MYO18B: variants seen among roughly 807,000 people sequenced by gnomAD.
MYO18B encodes unconventional myosin-XVIIIb.
Under a neutral mutation model 273.0 loss-of-function variants are expected in MYO18B, and 204 were observed. The ratio of observed to expected loss-of-function variants is 0.75; its 90% CI spans 0.67 to 0.84. MYO18B has a LOEUF of 0.84. Among genes scored for constraint, MYO18B ranks in the 40% least tolerant of loss-of-function variants. The pLI is 0.00. For missense variants in MYO18B, 3,212 were observed against 3,287.6 expected (o/e 0.98, Z 0.56); for synonymous variants, 1,330 against 1,305.7 (o/e 1.02, Z -0.40).
intron 12 of MYO18B, among the ~76,000 whole-genome samples, chr22:25,798,973 C>G (rs2088054832): frequency 6.6e-6 from 1 of 152,000 alleles, no homozygotes; most frequent in African/African-American, 2.4e-5. Context: ...GCGATTTTCC[C>G]CATTTTGACC....
chr22:26,017,437 T>C (rs1293797734), intron 42 of MYO18B, among the ~76,000 whole-genome samples: 1 of 151,786 alleles, frequency 6.6e-6, no homozygotes. Flanking sequence ...GAAAACAAGT[T>C]GACAACATCA....
chr22:26,030,092 C>A (rs147869735), intron 43 of MYO18B, among the ~76,000 whole-genome samples: 9 of 152,152 alleles, frequency 5.9e-5, no homozygotes, highest in Non-Finnish European at 1.3e-4. Context: ...TCTTCCTGGC[C>A]AGGCACAGTG....
At chr22:25,825,803 C>T (rs3859876) in intron 13 of MYO18B, among the ~76,000 whole-genome samples, 93,689 of 152,068 alleles carry the variant, frequency 0.62, 30,677 homozygotes, top group Non-Finnish European at 0.72. Flanking sequence ...CTTTATTTCT[C>T]TCAATATTTC....
At chr22:26,020,084 G>A (rs895551258) in intron 42 of MYO18B, among the ~76,000 whole-genome samples, 3 of 152,136 alleles carry the variant, frequency 2.0e-5, no homozygotes, top group African/African-American at 7.2e-5. Context: ...TGCAGGCCCT[G>A]CCACTTAGCA....
intron 22 of MYO18B, among the ~76,000 whole-genome samples, chr22:25,872,215 A>G (rs974555274): frequency 6.6e-6 from 1 of 152,218 alleles, no homozygotes; most frequent in Non-Finnish European, 1.5e-5. Flanking sequence ...ATAGTGCAGG[A>G]TGGTCGGAGA....
intron 17 of MYO18B, among the ~76,000 whole-genome samples, chr22:25,836,172 A>G (rs2089894286): frequency 6.6e-6 from 1 of 152,178 alleles, no homozygotes; most frequent in East Asian, 1.9e-4. Context: ...CAAAGTGATC[A>G]TGAGATTTGG....
intron 33 of MYO18B, among the ~76,000 whole-genome samples, chr22:25,920,488 A>G (rs11913596): frequency 0.033 from 4,958 of 152,236 alleles, 285 homozygotes; most frequent in African/African-American, 0.11. Context: ...CCTGGTGCCC[A>G]GTCCAGGATG....
intron 21 of MYO18B, 99 bp from the exon 22 acceptor site, chr22:25,868,221 C>T: frequency 1.0e-6 from 1 of 1,000,252 alleles, no homozygotes; most frequent in Non-Finnish European, 1.5e-6. Context: ...TGGGGTCATC[C>T]TCCGTCCTGG....
At chr22:25,840,554 G>A (rs1046483494) in intron 17 of MYO18B, among the ~76,000 whole-genome samples, 5 of 152,260 alleles carry the variant, frequency 3.3e-5, no homozygotes, top group Non-Finnish European at 2.9e-5. Flanking sequence ...GGGCGAGGCT[G>A]GTCACCTCTG....
chr22:25,967,220 A>C (rs2092989117), intron 39 of MYO18B, among the ~76,000 whole-genome samples: 1 of 152,226 alleles, frequency 6.6e-6, no homozygotes, highest in Admixed American at 6.5e-5. Flanking sequence ...TAAAAAAGAA[A>C]GGGGAGAGAT....
chr22:25,853,765 G>A (rs1026162849), intron 21 of MYO18B, among the ~76,000 whole-genome samples: 8 of 152,156 alleles, frequency 5.3e-5, no homozygotes, highest in Non-Finnish European at 1.2e-4. Context: ...CTCCATACAC[G>A]CTAGAGGCCT....
At chr22:25,783,629 C>T (rs2042871861) in intron 10 of MYO18B, among the ~76,000 whole-genome samples, 1 of 152,202 alleles carries the variant, frequency 6.6e-6, no homozygotes, top group African/African-American at 2.4e-5. Flanking sequence ...TGGAGGCTTA[C>T]CCTGGGGTGG....
intron 42 of MYO18B, among the ~76,000 whole-genome samples, chr22:26,020,787 G>A (rs573741740): frequency 2.0e-5 from 3 of 152,072 alleles, no homozygotes; most frequent in Non-Finnish European, 2.9e-5. Flanking sequence ...GCAAGTTCAG[G>A]CTTCAAAAGA....
chr22:25,800,345 G>A (rs2088138358), intron 12 of MYO18B, among the ~76,000 whole-genome samples: 1 of 152,214 alleles, frequency 6.6e-6, no homozygotes, highest in South Asian at 2.1e-4. Context: ...TCAGCCGTGG[G>A]CCATGCTCAG....
intron 6 of MYO18B, 113 bp downstream of exon 6, chr22:25,771,097 T>G: frequency 2.5e-6 from 2 of 788,282 alleles, no homozygotes; most frequent in South Asian, 1.7e-5. Flanking sequence ...TGACTACCAA[T>G]ACCATTTTGG....
rs1462740342 is a variant in MYO18B at position 25,883,816 on chromosome 22, T to A, written c.4314+5768T>A. On this transcript the variant is annotated intron_variant, in intron 25 of 43. Transcript: ENST00000335473. The surrounding 1 kb of genome is among the most constrained non-coding windows in gnomAD (Gnocchi z 7.6). ...CATCACTATTGCAAAATGATTTAAG[T>A]GCTTCATTTGTGAAGGAGCAGAAGA... is the stretch of plus-strand genomic sequence containing the variant. The A allele has an allele frequency of 6.6e-6, 1 of 152,224 alleles. No homozygotes were observed. The highest frequency in any genetic ancestry group is 2.4e-5 in the African/African-American group (1 of 41,448). The allele number at this position is 152,224 out of a possible 1,614,324, so 9.4% of individuals were successfully genotyped here. A position where few individuals can be genotyped will look rare whatever the true frequency, so the allele number is the denominator to read the frequency against.
At chr22:25,892,959 G>A (rs2091701259) in intron 27 of MYO18B, among the ~76,000 whole-genome samples, 1 of 152,210 alleles carries the variant, frequency 6.6e-6, no homozygotes, top group South Asian at 2.1e-4. Flanking sequence ...AGATTGGGGT[G>A]TTAATGAGAG....
chr22:26,013,299 G>A (rs1041302681), intron 42 of MYO18B, among the ~76,000 whole-genome samples: 7 of 152,164 alleles, frequency 4.6e-5, no homozygotes, highest in East Asian at 1.9e-4. Flanking sequence ...AGAGTTCAGC[G>A]ATGCTGCCAA....
At chr22:26,009,735 G>T (rs1257086683) in intron 42 of MYO18B, among the ~76,000 whole-genome samples, 1 of 151,898 alleles carries the variant, frequency 6.6e-6, no homozygotes, top group African/African-American at 2.4e-5. Context: ...CTCTTCCCTG[G>T]TCTTTGCCTC....
Sources: allele counts gnomAD v4.1 joint callset (sites outside exome capture counted in the v4.1 genomes callset), GRCh38; gene constraint gnomAD v4.1.1; non-coding constraint Gnocchi (gnomAD v3.1); transcripts MANE v1.5; gene names NCBI Gene and HGNC (gene_info 2026-07-23, HGNC 2026-07-21).